Variants in GABRA1 observed in about 807,000 individuals in gnomAD.
GABRA1 encodes gamma-aminobutyric acid type A receptor subunit alpha1.
Under a neutral mutation model 48.9 loss-of-function variants are expected in GABRA1, and 9 were observed. The ratio of observed to expected loss-of-function variants is 0.18; its 90% confidence interval spans 0.11 to 0.32. The LOEUF (loss-of-function observed/expected upper bound fraction) is 0.32, where lower values mean the gene tolerates loss of function less well. Among genes scored for constraint, GABRA1 ranks in the 10% least tolerant of loss-of-function variants. GABRA1 has a pLI of 1.00. For synonymous variants in GABRA1, 210 were observed against 198.7 expected (o/e 1.06, Z -0.48); for missense variants, 285 against 553.8 (o/e 0.51, Z 4.87).
intron 7 of GABRA1, 110 bp from the exon 8 acceptor site, chr5:161,890,787 TG>T: frequency 1.0e-6 from 1 of 965,036 alleles, no homozygotes; most frequent in Non-Finnish European, 1.7e-6. Context: ...GGATGTCACA[TG>T]GAGAAAGGAT....
chr5:161,886,892 C>G (rs1284916446), intron 7 of GABRA1, among the ~76,000 whole-genome samples: 1 of 152,108 alleles, frequency 6.6e-6, no homozygotes, highest in East Asian at 1.9e-4. Flanking sequence ...GGCATAACCC[C>G]TTGTCTCTTC....
intron 4 of GABRA1, among the ~76,000 whole-genome samples, chr5:161,871,414 A>G (rs1018353318): frequency 1.3e-5 from 2 of 152,016 alleles, no homozygotes; most frequent in Non-Finnish European, 2.9e-5. Context: ...GTAACAGAAA[A>G]TTTCGTCACA....
At chr5:161,889,316 T>A (rs1385179021) in intron 7 of GABRA1, among the ~76,000 whole-genome samples, 1 of 152,058 alleles carries the variant, frequency 6.6e-6, no homozygotes, top group African/African-American at 2.4e-5. Context: ...TTAGAGCCAT[T>A]CTTCTTTATT....
At chr5:161,860,230 C>T (rs527395639) in intron 3 of GABRA1, among the ~76,000 whole-genome samples, 8 of 151,886 alleles carry the variant, frequency 5.3e-5, no homozygotes, top group Admixed American at 2.0e-4. Context: ...AATGTTCTAG[C>T]GTGTTTAGAC....
At chr5:161,882,132 T>G (rs1754644161) in intron 6 of GABRA1, 2 of 236,404 alleles carry the variant, frequency 8.5e-6, no homozygotes, top group South Asian at 1.1e-4. Flanking sequence ...GCCCCTTACC[T>G]TACTTAGGAT....
At chr5:161,890,348 C>G (rs541335224) in intron 7 of GABRA1, among the ~76,000 whole-genome samples, 1 of 152,014 alleles carries the variant, frequency 6.6e-6, no homozygotes, top group Non-Finnish European at 1.5e-5. Context: ...TTTTGAGAAA[C>G]AAAAGATTCT....
intron 5 of GABRA1, 88 bp from the exon 6 acceptor site, chr5:161,875,471 AT>A: frequency 9.8e-7 from 1 of 1,022,776 alleles, no homozygotes. Flanking sequence ...TTGTTAATAT[AT>A]TTGCTACAGT....
intron 8 of GABRA1, among the ~76,000 whole-genome samples, chr5:161,891,718 T>C (rs1755098733): frequency 6.6e-6 from 1 of 152,190 alleles, no homozygotes; most frequent in South Asian, 2.1e-4. Flanking sequence ...ATTTCCTGCC[T>C]ATATCCCCGT....
At chr5:161,877,342 A>C (rs1331827971) in intron 6 of GABRA1, among the ~76,000 whole-genome samples, 2 of 152,152 alleles carry the variant, frequency 1.3e-5, no homozygotes, top group Non-Finnish European at 2.9e-5. Context: ...TGCTTTCAGC[A>C]GTGAGAATAG....
chr5:161,873,668 G>A (rs752100176), intron 5 of GABRA1, among the ~76,000 whole-genome samples: 7 of 151,906 alleles, frequency 4.6e-5, no homozygotes, highest in African/African-American at 9.7e-5. Context: ...GCCATCTAAT[G>A]ATCTACATCT....
At chr5:161,849,472 A>C (rs1229199117) in intron 1 of GABRA1, among the ~76,000 whole-genome samples, 2 of 152,182 alleles carry the variant, frequency 1.3e-5, no homozygotes, top group African/African-American at 4.8e-5. Flanking sequence ...AATTAAGGAA[A>C]AGCTATGACG....
At chr5:161,872,168 G>A (rs1328314882) in intron 4 of GABRA1, 1 of 152,586 alleles carries the variant, frequency 6.6e-6, no homozygotes, top group Non-Finnish European at 1.5e-5. Context: ...TTAGATTAAC[G>A]GAGAATGTGG....
chr5:161,860,944 C>T (rs547242060), intron 3 of GABRA1, among the ~76,000 whole-genome samples: 1 of 151,868 alleles, frequency 6.6e-6, no homozygotes, highest in African/African-American at 2.4e-5. Context: ...GGGATTTTAA[C>T]AAAATGTTGT....
intron 4 of GABRA1, among the ~76,000 whole-genome samples, chr5:161,870,497 G>T (rs1356401874): frequency 6.6e-6 from 1 of 151,594 alleles, no homozygotes; most frequent in Non-Finnish European, 1.5e-5. Context: ...GACTCAGGAG[G>T]TGGAGGTTGC....
intron 1 of GABRA1, 25 bp downstream of exon 1, chr5:161,848,447 A>G (rs41308305): frequency 1.0e-3 from 150 of 147,750 alleles, no homozygotes; most frequent in Non-Finnish European, 1.5e-3. Flanking sequence ...GGACCACGAT[A>G]CACAGACAGA....
intron 7 of GABRA1, among the ~76,000 whole-genome samples, chr5:161,885,618 G>T (rs1754810553): frequency 6.6e-6 from 1 of 152,110 alleles, no homozygotes; most frequent in Non-Finnish European, 1.5e-5. Context: ...GCAAGAAGAT[G>T]GAAATCCTAG....
chr5:161,875,781 A>G (rs572915336), intron 6 of GABRA1, 139 bp downstream of exon 6: 48 of 713,616 alleles, frequency 6.7e-5, no homozygotes, highest in Admixed American at 6.5e-4. Context: ...TTCCATAAGT[A>G]GTGCTCTGTG....
intron 7 of GABRA1, among the ~76,000 whole-genome samples, chr5:161,887,411 G>C (rs904920740): frequency 3.6e-4 from 55 of 151,648 alleles, no homozygotes; most frequent in Non-Finnish European, 6.3e-4. Flanking sequence ...GGTCTCCAGA[G>C]AAATAATTAT....
At chr5:161,884,605 A>T (rs914418169) in intron 7 of GABRA1, among the ~76,000 whole-genome samples, 3 of 152,142 alleles carry the variant, frequency 2.0e-5, no homozygotes, top group African/African-American at 7.2e-5. Context: ...GTCTGAATAT[A>T]TTGGGGGATA....
Sources: gnomAD v4.1 joint callset for allele counts (sites outside exome capture counted in the v4.1 genomes callset) on GRCh38, gnomAD v4.1.1 for gene constraint, MANE v1.5 for transcripts, NCBI Gene and HGNC (gene_info 2026-07-23, HGNC 2026-07-21) for gene names.